GALK2: variants seen among roughly 807,000 people sequenced by gnomAD.
GALK2 encodes the protein galactokinase 2, also known as N-acetylgalactosamine kinase.
Under a neutral mutation model 52.4 loss-of-function variants are expected in GALK2, and 36 were observed. The observed-to-expected ratio is 0.69, with a 90% CI of 0.53 to 0.91. The LOEUF is 0.91. GALK2 is among the 40% of genes least tolerant of loss of function. The pLI, the probability that GALK2 is intolerant of heterozygous loss-of-function variation, is 0.00. For synonymous variants in GALK2, 176 were observed against 199.1 expected, an observed-to-expected ratio of 0.88 and a Z score of 0.98; for missense variants, 579 against 559.1, an observed-to-expected ratio of 1.04 and a Z score of -0.36.
intron 5 of GALK2, among the ~76,000 whole-genome samples, chr15:49,268,352 G>T (rs1198405769): frequency 6.6e-6 from 1 of 152,216 alleles, no homozygotes; most frequent in African/African-American, 2.4e-5. Context: ...AGATGTAAAA[G>T]CTGAGTTGCA....
intron 3 of GALK2, among the ~76,000 whole-genome samples, chr15:49,351,121 T>C (rs1166484523): frequency 7.0e-6 from 1 of 142,252 alleles, no homozygotes. Context: ...GTAGATCATT[T>C]AGTTTTGTTA....
In GALK2 at chr15:49,283,602, G is replaced by A. The variant is rs369854223; in HGVS notation, c.640G>A (p.Asp214Asn). 1.1e-4 allele frequency: 176 copies of A among 1,613,660 alleles called. 1 individual carries two copies. The highest frequency in any genetic ancestry group is 1.3e-4 in the Non-Finnish European group (155 of 1,179,844). ...LIEFSPLRAT[D>N]VKLPSGAVFV... is the part of the protein sequence containing the mutation. The stretch of plus-strand genomic sequence containing the variant: ...AGAATTTAGTCCTCTGAGGGCAACC[G>A]ATGTAAAACTCCCAAGTGGAGCAGT... Residue 214 changes from aspartate (D) to asparagine (N), a missense_variant, in exon 7 of 10, where the codon GAT becomes AAT. By Grantham distance (23) the Asp-to-Asn change is conservative. Coordinates refer to ENST00000560031, the MANE Select transcript of GALK2 (RefSeq NM_002044.4).
chr15:49,356,187 G>C (rs566178336), intron 3 of GALK2, among the ~76,000 whole-genome samples: 20 of 151,786 alleles, frequency 1.3e-4, no homozygotes, highest in Middle Eastern at 3.4e-3. Context: ...ATCAACTAAC[G>C]AGCAAAATAA....
At chr15:49,244,257 T>A (rs1014320183) in intron 5 of GALK2, among the ~76,000 whole-genome samples, 11 of 152,004 alleles carry the variant, frequency 7.2e-5, no homozygotes, top group Non-Finnish European at 7.4e-5. Context: ...ATTTTTTTTT[T>A]AAAATAATAT....
At position 49,338,525 on chromosome 15, in the gene GALK2, G is replaced by A. The variant is rs535958235; in HGVS notation, c.426+18720G>A. 9.2e-5 allele frequency among the ~76,000 whole-genome samples: 14 copies of A among 152,288 alleles called. No individual in the cohort carries two copies. The South Asian group carries it at 2.5e-3, about 27-fold the overall frequency. On this transcript the variant is annotated intron_variant, in intron 3 of 3. Coordinates refer to the GALK2 transcript ENST00000558399. ...TAGTCTGGTGGGCTTCCCTTTGTGG[G>A]TAACCCAACCTTTCTCTCTGGCTGC...
intron 3 of GALK2, among the ~76,000 whole-genome samples, chr15:49,346,189 C>A (rs1188384589): frequency 2.0e-5 from 3 of 152,128 alleles, no homozygotes; most frequent in Non-Finnish European, 4.4e-5. Flanking sequence ...AAACTTGGGC[C>A]AGCTCCTGTC....
chr15:49,290,884 CAAGA>C (rs2033868062), intron 7 of GALK2, among the ~76,000 whole-genome samples: 1 of 152,130 alleles, frequency 6.6e-6, no homozygotes, highest in Non-Finnish European at 1.5e-5. Flanking sequence ...CTAGGGGCAG[CAAGA>C]AAGAGTTATA....
In GALK2 at chr15:49,358,189, G is replaced by T. The variant is rs959751057; in HGVS notation, c.427-9302G>T. On this transcript the variant is annotated intron_variant, in intron 3 of 3. Coordinates refer to the GALK2 transcript ENST00000558399. The stretch of plus-strand genomic sequence containing the variant: ...TTGAAAAGTGGCACAAGACAGGGAT[G>T]CCCTCCTCACCACTCCTATTCAACA... 5.9e-5 allele frequency among the ~76,000 whole-genome samples: 9 copies of T among 151,536 alleles called. 1 individual carries two copies. Among genetic ancestry groups the T allele is most frequent in the African/African-American group, 2.2e-4 (9 of 41,132 alleles).
At chr15:49,268,200 CTAA>C (rs1158073019) in intron 5 of GALK2, among the ~76,000 whole-genome samples, 2 of 152,040 alleles carry the variant, frequency 1.3e-5, no homozygotes, top group African/African-American at 4.8e-5. Flanking sequence ...TGGAGGAAGA[CTAA>C]TATTAAACAA....
intron 3 of GALK2, 147 bp from the exon 4 acceptor site, chr15:49,235,704 A>T: frequency 1.3e-6 from 1 of 767,294 alleles, no homozygotes. Flanking sequence ...GCAGCTGGAG[A>T]TGTTTTGCTG....
At chr15:49,322,970 A>G (rs949275596) in intron 9 of GALK2, among the ~76,000 whole-genome samples, 3 of 151,426 alleles carry the variant, frequency 2.0e-5, no homozygotes, top group Admixed American at 1.3e-4. Context: ...TAAAAAAAAA[A>G]AAAAAAGAAA....
chr15:49,159,628 C>T (rs1449618300), intron 1 of GALK2, among the ~76,000 whole-genome samples: 3 of 151,204 alleles, frequency 2.0e-5, no homozygotes, highest in African/African-American at 7.3e-5. Flanking sequence ...AGAGAAATTA[C>T]AGGCTTGATT....
chr15:49,243,310 T>C (rs1281543182), intron 5 of GALK2, among the ~76,000 whole-genome samples: 1 of 152,048 alleles, frequency 6.6e-6, no homozygotes, highest in African/African-American at 2.4e-5. Context: ...AACTGGGAGA[T>C]TAGAGGACAT....
chr15:49,328,051 T>C lies in GALK2; in HGVS notation c.1269T>C (p.Asn423=), dbSNP rs766787587. ...ACAAGCTGCCCAGCTTTCTAGCAAA[T>C]GTGCACAAAGCTTATTACCAGAGGA... ...PADKLPSFLA[N]VHKAYYQRSD... The change falls in exon 10 of 10, where the codon AAT becomes AAC. Residue 423 remains asparagine (N), a synonymous_variant. Transcript: ENST00000560031. 9 of 1,613,942 alleles carry C rather than the reference T, an allele frequency of 5.6e-6. No individual in the cohort carries two copies. The highest frequency in any genetic ancestry group is 6.8e-6 in the Non-Finnish European group (8 of 1,179,964).
rs2033014635 is a variant in GALK2, at chr15:49,283,698, G to A, written c.736G>A (p.Glu246Lys). 1 of 1,614,062 alleles carries A rather than the reference G, an allele frequency of 6.2e-7. No individual in the cohort carries two copies. ...ATSHFNIRVM[E>K]CRLAAKLLAK... ...TTCCCATTTCAATATCAGGGTGATG[G>A]AGTGTCGGCTGGCTGCGAAGGTATG... The change falls in exon 7 of 10, where the codon GAG becomes AAG. Residue 246 changes from glutamate (E) to lysine (K), a missense_variant. By Grantham distance (56) the Glu-to-Lys change is moderately conservative (BLOSUM62 1). Transcript: ENST00000560031.
chr15:49,213,429 G>A (rs538892398), intron 2 of GALK2, among the ~76,000 whole-genome samples: 17 of 152,222 alleles, frequency 1.1e-4, no homozygotes, highest in African/African-American at 3.4e-4. Flanking sequence ...TGCCATGGTG[G>A]TTTGCTGCAC....
rs187807001 is a variant in GALK2 at position 49,306,952 on chromosome 15, T to G, written c.968-12652T>G. ...CCATATTCAAGACACTCTATTAGGTTCCAAGGGGGCTATAAAGATAAAGAG... is the reference window on the plus strand; with the variant it reads ...CCATATTCAAGACACTCTATTAGGTGCCAAGGGGGCTATAAAGATAAAGAG... On this transcript the variant is annotated intron_variant, in intron 8 of 9. Coordinates refer to ENST00000560031, the MANE Select transcript of GALK2 (RefSeq NM_002044.4). Among the ~76,000 whole-genome samples the G allele has an allele frequency of 5.4e-4, 82 of 152,286 alleles. 1 individual carries two copies. The highest frequency in any genetic ancestry group is 5.2e-3 in the Admixed American group (80 of 15,294).
intron 8 of GALK2, chr15:49,318,859 A>G (rs1395960975): frequency 9.2e-6 from 4 of 433,702 alleles, no homozygotes; most frequent in Non-Finnish European, 1.4e-5. Context: ...ACTTCACTCT[A>G]TTGAGCCTCC....
chr15:49,177,597 T>C, intron 1 of GALK2: 1 of 181,042 alleles, frequency 5.5e-6, no homozygotes, highest in Non-Finnish European at 1.2e-5. Flanking sequence ...AAACATTACT[T>C]ACATTAGTGG....
Sources: gnomAD v4.1 joint callset for allele counts (sites outside exome capture counted in the v4.1 genomes callset) on GRCh38, gnomAD v4.1.1 for gene constraint, MANE v1.5 for transcripts, NCBI Gene and HGNC (gene_info 2026-07-23, HGNC 2026-07-21) for gene names.